Variants in THOC7 observed in about 807,000 individuals in gnomAD.
THOC7 encodes THO complex subunit 7, also known as NIF3L1-binding protein 1.
A neutral mutation model predicts 33.1 loss-of-function variants in THOC7; 22 were observed. That is an observed-to-expected ratio of 0.66 (90% CI 0.47 to 0.95). The LOEUF (loss-of-function observed/expected upper bound fraction) is 0.95, where lower values mean the gene tolerates loss of function less well. THOC7 is among the 40% of genes least tolerant of loss of function. THOC7 has a pLI of 0.00. For missense variants in THOC7, 184 were observed against 245.3 expected, an observed-to-expected ratio of 0.75 and a Z score of 1.67; for synonymous variants, 77 against 76.8, an observed-to-expected ratio of 1.00 and a Z score of -0.01.
intron 1 of THOC7, among the ~76,000 whole-genome samples, chr3:63,856,481 T>G (rs1157748678): frequency 6.6e-5 from 10 of 152,196 alleles, no homozygotes; most frequent in Admixed American, 6.5e-4. Context: ...TTGCATTGTA[T>G]GCATGTATCA....
In THOC7 at chr3:63,838,481, A is replaced by G; in HGVS notation, c.156T>C (p.Arg52=). The G allele has an allele frequency of 6.2e-7, 1 of 1,607,144 alleles. No individual in the cohort carries two copies. Among genetic ancestry groups the G allele is most frequent in the Middle Eastern group, 1.7e-4 (1 of 6,038 alleles). Residue 52 remains arginine (R), a synonymous_variant, in exon 3 of 8, where the codon CGT becomes CGC. Transcript: ENST00000295899. ...SQEEGYSQYQ[R]MLSTLSQCEF... The stretch of plus-strand genomic sequence containing the variant: ...CACATTGAGACAGCGTGCTCAGCAT[A>G]CGTTGGTACTGGCTATATCTAATGA...
At position 63,838,408 on chromosome 3, in the gene THOC7, C is replaced by A. The variant is rs1464396434; in HGVS notation, c.229G>T (p.Glu77Ter). ...TLLVYDMNLR[E>*]MENYEKIYKE... Reference sequence around the variant, plus strand: ...TAAATTTTTTCATAATTTTCCATTTCTCTGAGATTCATATCATATACTAGT... The same window carrying A: ...TAAATTTTTTCATAATTTTCCATTTATCTGAGATTCATATCATATACTAGT... The change falls in exon 3 of 8, where the codon GAA becomes TAA. Residue 77 changes from glutamate (E) to a stop codon, truncating the protein, a stop_gained. Transcript: ENST00000295899. LOFTEE classifies it high-confidence loss of function. 1 of 1,576,516 alleles carries A rather than the reference C, an allele frequency of 6.3e-7. No homozygotes were observed. Among genetic ancestry groups the A allele is most frequent in the Non-Finnish European group, 8.7e-7 (1 of 1,155,098 alleles).
intron 1 of THOC7, among the ~76,000 whole-genome samples, chr3:63,856,427 T>C (rs1442185645): frequency 2.0e-5 from 3 of 152,172 alleles, no homozygotes; most frequent in Non-Finnish European, 4.4e-5. Context: ...AAATGATAAA[T>C]GCTTGAAGAC....
intron 1 of THOC7, among the ~76,000 whole-genome samples, chr3:63,858,597 C>G (rs937901441): frequency 6.6e-6 from 1 of 152,226 alleles, no homozygotes; most frequent in Non-Finnish European, 1.5e-5. Context: ...CTCTGTAGTG[C>G]AAAAAGTGCT....
intron 1 of THOC7, among the ~76,000 whole-genome samples, chr3:63,856,958 C>T (rs1457763740): frequency 1.3e-5 from 2 of 152,272 alleles, no homozygotes; most frequent in African/African-American, 2.4e-5. Flanking sequence ...GACCTCGTGA[C>T]CTACCCGCCT....
chr3:63,845,706 G>A (rs920518426), intron 1 of THOC7, among the ~76,000 whole-genome samples: 8 of 152,066 alleles, frequency 5.3e-5, no homozygotes, highest in Admixed American at 2.0e-4. Flanking sequence ...GTTGGTCAAG[G>A]CGATCTCAAA....
At chr3:63,850,585 CTTTT>C (rs61611564) in intron 1 of THOC7, among the ~76,000 whole-genome samples, 3 of 116,814 alleles carry the variant, frequency 2.6e-5, no homozygotes, top group Admixed American at 8.9e-5. Context: ...TCTTTCTTTC[CTTTT>C]TTTTTTTTTT....
chr3:63,845,255 T>C (rs914601965), intron 1 of THOC7, among the ~76,000 whole-genome samples: 4 of 152,152 alleles, frequency 2.6e-5, no homozygotes, highest in African/African-American at 7.2e-5. Context: ...CATTTGACTT[T>C]GGGGTACCTA....
intron 1 of THOC7, among the ~76,000 whole-genome samples, chr3:63,860,145 GA>G (rs974220826): frequency 2.0e-5 from 3 of 151,954 alleles, no homozygotes; most frequent in African/African-American, 7.3e-5. Flanking sequence ...GCTAATTTAA[GA>G]AAATTTTTAG....
At chr3:63,842,020 T>C (rs936661372) in intron 1 of THOC7, among the ~76,000 whole-genome samples, 12 of 152,096 alleles carry the variant, frequency 7.9e-5, no homozygotes, top group African/African-American at 2.7e-4. Context: ...GAAAACAACA[T>C]CTAAGGCAAC....
At chr3:63,854,526 A>G (rs982624686) in intron 1 of THOC7, 2 of 152,208 alleles carry the variant, frequency 1.3e-5, no homozygotes, top group African/African-American at 4.8e-5. Context: ...TGTTATCAAC[A>G]TCACTCCTTG....
intron 1 of THOC7, among the ~76,000 whole-genome samples, chr3:63,858,704 A>C (rs1336872059): frequency 6.6e-6 from 1 of 152,236 alleles, no homozygotes; most frequent in African/African-American, 2.4e-5. Flanking sequence ...AACAGTGACA[A>C]CATCCACACT....
intron 1 of THOC7, among the ~76,000 whole-genome samples, chr3:63,853,997 TG>T (rs1429978261): frequency 6.6e-6 from 1 of 152,212 alleles, no homozygotes; most frequent in Non-Finnish European, 1.5e-5. Context: ...GATATATCTA[TG>T]TAGATACATA....
chr3:63,838,842 A>C (rs1701693761), intron 2 of THOC7, among the ~76,000 whole-genome samples: 1 of 152,202 alleles, frequency 6.6e-6, no homozygotes, highest in Non-Finnish European at 1.5e-5. Context: ...TCACTCTATA[A>C]AATTATTTAT....
intron 4 of THOC7, among the ~76,000 whole-genome samples, chr3:63,837,668 C>T (rs572304936): frequency 1.3e-5 from 2 of 151,514 alleles, no homozygotes; most frequent in South Asian, 4.2e-4. Flanking sequence ...TTAACCATAA[C>T]ATTATTTAGG....
chr3:63,863,957 CCGCCGCCGCCGCCGCCGCCG>C (rs1559612709), upstream of THOC7: 12 of 84,784 alleles, frequency 1.4e-4, no homozygotes, highest in Non-Finnish European at 2.6e-4. Flanking sequence ...CGCCGCGCCG[CCGCCGCCGCCGCCGCCGCCG>C]CGGGACCCGC....
At chr3:63,856,222 T>TA (rs1702113335) in intron 1 of THOC7, among the ~76,000 whole-genome samples, 1 of 150,852 alleles carries the variant, frequency 6.6e-6, no homozygotes, top group South Asian at 2.1e-4. Flanking sequence ...AGGTAGAAAA[T>TA]AGAGATGGTT....
intron 1 of THOC7, among the ~76,000 whole-genome samples, chr3:63,858,507 A>C (rs147465055): frequency 1.3e-5 from 2 of 152,300 alleles, no homozygotes; most frequent in African/African-American, 4.8e-5. Context: ...ATTAAATAGA[A>C]TGTAGAGCCA....
intron 1 of THOC7, among the ~76,000 whole-genome samples, chr3:63,852,121 A>C (rs1702031227): frequency 6.6e-6 from 1 of 152,176 alleles, no homozygotes. Flanking sequence ...TACAGCCATA[A>C]AACTTGGTAG....
Sources: allele counts gnomAD v4.1 joint callset (sites outside exome capture counted in the v4.1 genomes callset), GRCh38; gene constraint gnomAD v4.1.1; transcripts MANE v1.5; gene names NCBI Gene and HGNC (gene_info 2026-07-23, HGNC 2026-07-21).